The following TFR2 variants were observed in gnomAD, a reference collection of about 807,000 sequenced individuals.
TFR2 encodes the protein transferrin receptor protein 2.
Under a neutral mutation model 91.9 loss-of-function variants are expected in TFR2, and 64 were observed. That is an observed-to-expected ratio of 0.70 (90% confidence interval 0.57 to 0.86). The LOEUF (loss-of-function observed/expected upper bound fraction) is 0.86, where lower values mean the gene tolerates loss of function less well. Ranked by LOEUF, TFR2 falls within the 40% of genes least tolerant of loss-of-function variation. The pLI, the probability that TFR2 is intolerant of heterozygous loss-of-function variation, is 0.00. For missense variants in TFR2, 950 were observed against 1,080.5 expected, an observed-to-expected ratio of 0.88 and a Z score of 1.69; for synonymous variants, 454 against 459.6, an observed-to-expected ratio of 0.99 and a Z score of 0.15.
chr7:100,633,669 G>A (rs986423501), intron 3 of TFR2, 113 bp from the exon 4 acceptor site: 2 of 750,050 alleles, frequency 2.7e-6, no homozygotes, highest in Admixed American at 7.7e-5. Flanking sequence ...GGGTTCCTGA[G>A]TTTAGGAAAA....
chr7:100,626,694 G>C (rs1025708241), intron 17 of TFR2, 69 bp downstream of exon 17: 8 of 1,529,876 alleles, frequency 5.2e-6, no homozygotes, highest in Non-Finnish European at 7.0e-6. Flanking sequence ...GACGGGGCCA[G>C]GTCCAGGAGG....
rs1803308501 is a variant in TFR2, at chr7:100,627,748, CAG to C, written c.1676_1677del (p.Ala559GlyfsTer46). 1 of 1,613,826 alleles carries C rather than the reference CAG, an allele frequency of 6.2e-7. No individual in the cohort carries two copies. Among genetic ancestry groups the C allele is most frequent in the African/African-American group, 1.3e-5 (1 of 74,850 alleles). On this transcript the variant is annotated frameshift_variant, in exon 14 of 18. Transcript: ENST00000223051. LOFTEE classifies it high-confidence loss of function. ...QVVFTNPSWD[A>X]EVIRPLPMDS... is the part of the protein sequence containing the mutation. ...CTCCCTACCCCCCCAACTTACACCT[CAG>C]CATCCCAGCTGGGATTGGTGAACAC...
chr7:100,630,254 C>CT (rs1284695019), intron 9 of TFR2, among the ~76,000 whole-genome samples: 2 of 150,562 alleles, frequency 1.3e-5, no homozygotes, highest in African/African-American at 2.4e-5. Context: ...CTCTTTCTTT[C>CT]TTTTTTTCTT....
chr7:100,620,733 G>A lies in TFR2; in HGVS notation c.*124C>T, dbSNP rs1269319753. On this transcript the variant is annotated 3_prime_UTR_variant, in exon 18 of 18. Transcript: ENST00000223051. ...TGGGCTCCGTGGAGAGATGTGTAGG[G>A]GTAATGAGAAATTGATCAGCAATGA... is the stretch of plus-strand genomic sequence containing the variant. 4 of 1,353,384 alleles carry A rather than the reference G, an allele frequency of 3.0e-6. No individual in the cohort carries two copies. Among genetic ancestry groups the A allele is most frequent in the Non-Finnish European group, 3.1e-6 (3 of 967,128 alleles). The allele number at this position is 1,353,384 out of a possible 1,614,324, so 83.8% of individuals were successfully genotyped here.
intron 10 of TFR2, 23 bp downstream of exon 10, chr7:100,629,230 C>A: frequency 1.2e-6 from 2 of 1,613,214 alleles, no homozygotes; most frequent in African/African-American, 2.7e-5. Context: ...TAGCCCAGGC[C>A]CAGGCCCTGG....
intron 9 of TFR2, among the ~76,000 whole-genome samples, chr7:100,630,328 T>C (rs1171706716): frequency 6.6e-6 from 1 of 151,940 alleles, no homozygotes; most frequent in Non-Finnish European, 1.5e-5. Flanking sequence ...CTTGCTCTGT[T>C]GCCCAGGCTG....
intron 3 of TFR2, among the ~76,000 whole-genome samples, chr7:100,639,630 C>T (rs184918900): frequency 6.6e-6 from 1 of 151,766 alleles, no homozygotes; most frequent in African/African-American, 2.4e-5. Context: ...GAATCTCCAT[C>T]TCCTACTATC....
Position 100,620,699 on chromosome 7 carries a change from G to C in TFR2, c.*158C>G. The C allele has an allele frequency of 1.0e-6, 1 of 982,744 alleles. No individual in the cohort carries two copies. The highest frequency in any genetic ancestry group is 1.6e-5 in the African/African-American group (1 of 61,668). The allele number at this position is 982,744 out of a possible 1,614,324, so 60.9% of individuals were successfully genotyped here. The stretch of plus-strand genomic sequence containing the variant: ...AGGGCTGGGGTGTGTGGATATCTGT[G>C]CTGGGGTCTGGGCTCCGTGGAGAGA... On this transcript the variant is annotated 3_prime_UTR_variant, in exon 18 of 18. Coordinates refer to ENST00000223051, the MANE Select transcript of TFR2 (RefSeq NM_003227.4).
At chr7:100,623,686 G>T (rs1803174274) in intron 17 of TFR2, among the ~76,000 whole-genome samples, 1 of 151,936 alleles carries the variant, frequency 6.6e-6, no homozygotes, top group South Asian at 2.1e-4. Flanking sequence ...AGGAGGCCAA[G>T]GTGGGAGGAT....
chr7:100,627,218 G>GT, intron 16 of TFR2, 46 bp downstream of exon 16: 1 of 1,538,568 alleles, frequency 6.5e-7, no homozygotes, highest in South Asian at 1.2e-5. Context: ...GGCCTGGGCA[G>GT]TGCCTCCCAC....
chr7:100,623,425 A>G (rs896726234), intron 17 of TFR2, among the ~76,000 whole-genome samples: 2 of 152,106 alleles, frequency 1.3e-5, no homozygotes, highest in Admixed American at 6.6e-5. Flanking sequence ...ACCTATGAGC[A>G]TTTGCTCCCA....
rs1211754199 is a variant in TFR2, at chr7:100,627,970, A to G, written c.1542T>C (p.Asp514=). The G allele has an allele frequency of 1.2e-6, 2 of 1,613,774 alleles. No individual in the cohort carries two copies. Among genetic ancestry groups the G allele is most frequent in the Non-Finnish European group, 1.7e-6 (2 of 1,179,920 alleles). ...YVSLDNAVLG[D]DKFHAKTSPL... is the part of the protein sequence containing the mutation. Reference sequence around the variant, plus strand: ...GGCTGGTCTTGGCATGAAACTTGTCATCCCCTGGAAAAAGGGGAGGGGAGG... The same window carrying G: ...GGCTGGTCTTGGCATGAAACTTGTCGTCCCCTGGAAAAAGGGGAGGGGAGG... The change falls in exon 13 of 18, where the codon GAT becomes GAC. Residue 514 remains aspartate, a synonymous_variant. Coordinates refer to ENST00000223051, the MANE Select transcript of TFR2 (RefSeq NM_003227.4).
In TFR2 at chr7:100,632,100, C is replaced by G. The variant is rs753376911; in HGVS notation, c.948G>C (p.Gln316His). The change falls in exon 7 of 18, where the codon CAG (glutamine) becomes CAC (histidine). Residue 316 changes from glutamine (Q) to histidine (H), a missense_variant. By Grantham distance (24) the Gln-to-His change is conservative. Coordinates refer to ENST00000223051, the MANE Select transcript of TFR2 (RefSeq NM_003227.4). Reference protein sequence around the residue: ...QDPPKPSLSSQQAVYGHVHLG... With the variant: ...QDPPKPSLSSHQAVYGHVHLG... ...GACTCACATGTCCATACACTGCCTGCTGGCTGGACAGGCTTGGCTTGGGTG... is the reference window on the plus strand; with the variant it reads ...GACTCACATGTCCATACACTGCCTGGTGGCTGGACAGGCTTGGCTTGGGTG... 22 of 1,614,064 alleles carry G rather than the reference C, an allele frequency of 1.4e-5. 1 individual carries two copies. In the South Asian group the frequency reaches 2.4e-4, roughly 18 times the overall value.
At chr7:100,636,558 C>T (rs1803574976) in intron 3 of TFR2, among the ~76,000 whole-genome samples, 1 of 151,874 alleles carries the variant, frequency 6.6e-6, no homozygotes, top group Admixed American at 6.6e-5. Context: ...TAGTAAGTGC[C>T]AGGCATTGTG....
chr7:100,627,133 C>T (rs368173236), intron 16 of TFR2, 131 bp downstream of exon 16: 13 of 1,260,218 alleles, frequency 1.0e-5, no homozygotes, highest in East Asian at 1.0e-4. Flanking sequence ...AGACTGGAGG[C>T]AGGGGGTTAA....
intron 3 of TFR2, among the ~76,000 whole-genome samples, chr7:100,634,916 CTT>C (rs1803545503): frequency 6.6e-6 from 1 of 152,044 alleles, no homozygotes; most frequent in Non-Finnish European, 1.5e-5. Context: ...TCTTTACACA[CTT>C]TTCTTTTCTT....
At chr7:100,633,375 G>A in intron 4 of TFR2, 35 bp from the exon 5 acceptor site, 1 of 1,608,974 alleles carries the variant, frequency 6.2e-7, no homozygotes, top group Non-Finnish European at 8.5e-7. Flanking sequence ...CCCGAGCCGC[G>A]TCCCCCTCCC....
rs1322159636 is a variant in TFR2, at chr7:100,628,317, A to G, written c.1391-11T>C. ...TGCGGGGCCGGAAGCCTGGGGACAG[A>G]GGGGAAGGAGGACAGGCTTAGCAGG... On this transcript the variant is annotated splice_polypyrimidine_tract_variant and intron_variant, in intron 10 of 17. Transcript: ENST00000223051. The G allele has an allele frequency of 3.7e-6, 6 of 1,613,764 alleles. No homozygotes were observed. The highest frequency in any genetic ancestry group is 1.7e-5 in the Admixed American group (1 of 59,982).
chr7:100,627,826 G>T lies in TFR2; in HGVS notation c.1606-6C>A, dbSNP rs376917998. 1.9e-5 allele frequency: 31 copies of T among 1,613,912 alleles called. No homozygotes were observed. The African/African-American group carries it at 3.5e-4, about 18-fold the overall frequency. ...CTGTGGTTGGGAGAATCCACCTGGGGGTTGGGGAAGGGCACTGATCAGGCT... is the reference window on the plus strand; with the variant it reads ...CTGTGGTTGGGAGAATCCACCTGGGTGTTGGGGAAGGGCACTGATCAGGCT... On this transcript the variant is annotated splice_region_variant and splice_polypyrimidine_tract_variant and intron_variant, in intron 13 of 17. Coordinates refer to ENST00000223051, the MANE Select transcript of TFR2 (RefSeq NM_003227.4).
Sources: allele counts gnomAD v4.1 joint callset (sites outside exome capture counted in the v4.1 genomes callset), GRCh38; gene constraint gnomAD v4.1.1; transcripts MANE v1.5; gene names NCBI Gene and HGNC (gene_info 2026-07-23, HGNC 2026-07-21).